The following CADPS variants were observed in gnomAD, a reference collection of about 807,000 sequenced individuals.
CADPS encodes the protein calcium dependent secretion activator.
A neutral mutation model predicts 167.3 loss-of-function variants in CADPS; 57 were observed. That is an observed-to-expected ratio of 0.34 (90% CI 0.28 to 0.42). The LOEUF (loss-of-function observed/expected upper bound fraction) is 0.42. Among genes scored for constraint, CADPS ranks in the 20% least tolerant of loss-of-function variants. The pLI is 1.00. For missense variants in CADPS, 1,414 were observed against 1,738.1 expected, an observed-to-expected ratio of 0.81 and a Z score of 3.32; for synonymous variants, 676 against 635.3, an observed-to-expected ratio of 1.06 and a Z score of -0.96.
At chr3:62,558,660 G>A (rs797012566) in intron 9 of CADPS, among the ~76,000 whole-genome samples, 1 of 152,148 alleles carries the variant, frequency 6.6e-6, no homozygotes, top group Non-Finnish European at 1.5e-5. Context: ...TGCATCTCCC[G>A]CACTGTCCGA....
intron 21 of CADPS, among the ~76,000 whole-genome samples, chr3:62,488,496 A>ATTTT (rs142030984): frequency 0.038 from 5,568 of 147,830 alleles, 385 homozygotes; most frequent in African/African-American, 0.064. Context: ...TTATTTATTT[A>ATTTT]TTATTATTAT....
In CADPS at chr3:62,629,178, G is replaced by T. The variant is rs564485660; in HGVS notation, c.1325+16544C>A. Among the ~76,000 whole-genome samples the T allele has an allele frequency of 3.0e-4, 46 of 152,128 alleles. No homozygotes were observed. The South Asian group carries it at 8.7e-3, about 29-fold the overall frequency. ...TCATGTTTTAAGTGTATAATTCAAT[G>T]ACTGTTTTTGTAAATTTATAGCATT... On this transcript the variant is annotated intron_variant, in intron 6 of 29. Coordinates refer to ENST00000383710, the MANE Select transcript of CADPS (RefSeq NM_003716.4).
At chr3:62,768,037 A>G (rs62244512) in intron 1 of CADPS, among the ~76,000 whole-genome samples, 14 of 152,196 alleles carry the variant, frequency 9.2e-5, no homozygotes, top group Non-Finnish European at 2.1e-4. Flanking sequence ...GGACCAGTTC[A>G]GACCTAAAGC....
chr3:62,424,116 G>A (rs1379743778), intron 28 of CADPS, among the ~76,000 whole-genome samples: 1 of 152,148 alleles, frequency 6.6e-6, no homozygotes, highest in Non-Finnish European at 1.5e-5. Flanking sequence ...TCTTCTAGAG[G>A]CACAGAGTAT....
intron 17 of CADPS, among the ~76,000 whole-genome samples, chr3:62,509,197 C>T (rs756446007): frequency 4.7e-5 from 7 of 148,516 alleles, no homozygotes; most frequent in Non-Finnish European, 8.9e-5. Context: ...CCAGCCACTT[C>T]GGATGCTGAG....
intron 4 of CADPS, among the ~76,000 whole-genome samples, 184 bp downstream of exon 4, chr3:62,662,130 A>G (rs1164592451): frequency 6.6e-6 from 1 of 152,180 alleles, no homozygotes; most frequent in Non-Finnish European, 1.5e-5. Flanking sequence ...TAGGAAATGC[A>G]TGAGGTATCT....
intron 26 of CADPS, among the ~76,000 whole-genome samples, chr3:62,451,343 A>G (rs1462456399): frequency 6.6e-6 from 1 of 152,082 alleles, no homozygotes; most frequent in Non-Finnish European, 1.5e-5. Flanking sequence ...GACCTGAGTT[A>G]ATCATTGTGC....
intron 1 of CADPS, among the ~76,000 whole-genome samples, chr3:62,856,384 G>A (rs2079691138): frequency 6.6e-6 from 1 of 152,176 alleles, no homozygotes; most frequent in Admixed American, 6.5e-5. Flanking sequence ...GTTCCTGGAT[G>A]GGGTTTCAAT....
intron 17 of CADPS, among the ~76,000 whole-genome samples, chr3:62,509,453 G>C (rs1254965182): frequency 2.0e-5 from 3 of 152,192 alleles, no homozygotes; most frequent in African/African-American, 7.2e-5. Context: ...CAGTGGGGTG[G>C]TGGCTTGGCT....
At chr3:62,686,082 A>T (rs1270685553) in intron 3 of CADPS, among the ~76,000 whole-genome samples, 1 of 152,106 alleles carries the variant, frequency 6.6e-6, no homozygotes, top group Non-Finnish European at 1.5e-5. Context: ...TCAAAACATC[A>T]CTATGTAACC....
rs1190268359 is a variant in CADPS, at chr3:62,456,723, C to T, written c.3636+8644G>A. Among the ~76,000 whole-genome samples the T allele has an allele frequency of 3.3e-5, 5 of 149,760 alleles. No individual in the cohort carries two copies. In the South Asian group the frequency reaches 1.1e-3, roughly 32 times the overall value. On this transcript the variant is annotated intron_variant, in intron 26 of 29. Transcript: ENST00000383710. ...GTGGTATGCTGGTTTCTGAAAAGCT[C>T]ACACTCTCTCTCTTCCCTTTCTCTT...
intron 1 of CADPS, among the ~76,000 whole-genome samples, chr3:62,838,570 G>A (rs189703279): frequency 6.6e-6 from 1 of 152,250 alleles, no homozygotes; most frequent in East Asian, 1.9e-4. Context: ...ATTTTCAAAA[G>A]GGTTAAGAAC....
rs188569487 is a variant in CADPS, at chr3:62,484,685, G to A, written c.3027-2816C>T. Among the ~76,000 whole-genome samples, 4 of 152,208 alleles carry A rather than the reference G, an allele frequency of 2.6e-5. No homozygotes were observed. In the South Asian group the frequency reaches 6.2e-4, roughly 24 times the overall value. On this transcript the variant is annotated intron_variant, in intron 21 of 29. Coordinates refer to ENST00000383710, the MANE Select transcript of CADPS (RefSeq NM_003716.4). ...GGATGAATGTCACAGATGTGTGCAC[G>A]TCTCATCATTTCTATGGATAGAAAT...
At chr3:62,781,317 AG>A (rs1408916790) in intron 1 of CADPS, among the ~76,000 whole-genome samples, 7 of 152,202 alleles carry the variant, frequency 4.6e-5, no homozygotes, top group Non-Finnish European at 7.3e-5. Context: ...ATCTACTAGC[AG>A]GAAGAACTTG....
intron 1 of CADPS, among the ~76,000 whole-genome samples, chr3:62,799,734 G>A (rs1311659202): frequency 6.6e-6 from 1 of 152,092 alleles, no homozygotes; most frequent in Non-Finnish European, 1.5e-5. Flanking sequence ...ATGAGATTAT[G>A]TATGCAAAGG....
chr3:62,577,181 T>C (rs1000321679), intron 8 of CADPS, among the ~76,000 whole-genome samples: 4 of 152,158 alleles, frequency 2.6e-5, no homozygotes, highest in Admixed American at 2.6e-4. Context: ...GTAGCACCCA[T>C]GGCAATGCTT....
At chr3:62,641,606 T>C (rs2067428050) in intron 6 of CADPS, among the ~76,000 whole-genome samples, 1 of 152,192 alleles carries the variant, frequency 6.6e-6, no homozygotes, top group Non-Finnish European at 1.5e-5. Flanking sequence ...TCTGCCTAAG[T>C]ATCCCCATTG....
chr3:62,840,745 A>C (rs73844641), intron 1 of CADPS, among the ~76,000 whole-genome samples: 4,676 of 152,274 alleles, frequency 0.031, 88 homozygotes, highest in Middle Eastern at 0.054. Flanking sequence ...AATATAAACC[A>C]TTGATATCCT....
At chr3:62,797,212 C>T (rs996641217) in intron 1 of CADPS, among the ~76,000 whole-genome samples, 12 of 151,750 alleles carry the variant, frequency 7.9e-5, no homozygotes, top group African/African-American at 2.9e-4. Context: ...GCCCTTTAAC[C>T]CCATTCTTTT....
Sources: allele counts gnomAD v4.1 joint callset (sites outside exome capture counted in the v4.1 genomes callset), GRCh38; gene constraint gnomAD v4.1.1; transcripts MANE v1.5; gene names NCBI Gene and HGNC (gene_info 2026-07-23, HGNC 2026-07-21).